Variants in CLIP1 observed in about 807,000 individuals in gnomAD.
CLIP1 encodes the protein CAP-Gly domain containing linker protein 1, also known as CAP-Gly domain-containing linker protein 1.
Under a neutral mutation model 161.6 loss-of-function variants are expected in CLIP1, and 66 were observed. The ratio of observed to expected loss-of-function variants is 0.41; its 90% CI spans 0.33 to 0.50. The LOEUF is 0.50. CLIP1 is among the 20% of genes least tolerant of loss of function. CLIP1 has a pLI of 0.27. For synonymous variants in CLIP1, 598 were observed against 626.2 expected, an observed-to-expected ratio of 0.96 and a Z score of 0.67; for missense variants, 1,376 against 1,702.0, an observed-to-expected ratio of 0.81 and a Z score of 3.37.
chr12:122,389,947 T>C (rs1039196276), intron 1 of CLIP1, among the ~76,000 whole-genome samples: 1 of 148,994 alleles, frequency 6.7e-6, no homozygotes, highest in Admixed American at 6.8e-5. Flanking sequence ...TGACAGTGAG[T>C]TCTTGCAGGG....
At position 122,278,215 on chromosome 12, in the gene CLIP1, G is replaced by GTAA; in HGVS notation, c.3917-13_3917-12insTTA. 9.2e-6 allele frequency: 11 copies of GTAA among 1,196,398 alleles called. No individual in the cohort carries two copies. The highest frequency in any genetic ancestry group is 9.8e-6 in the Non-Finnish European group (9 of 915,004). 74.1% of individuals were successfully genotyped at this position (1,196,398 alleles called of 1,614,324 possible). ...AGTGTCTGTATTACCTTATATTTGA[G>GTAA]GAAAAAAAAAAAAAAACAAGTGGAG... On this transcript the variant is annotated splice_polypyrimidine_tract_variant and intron_variant, in intron 23 of 25. Coordinates refer to ENST00000620786, the MANE Select transcript of CLIP1 (RefSeq NM_001247997.2).
At chr12:122,354,647 G>A in intron 6 of CLIP1, 91 bp from the exon 7 acceptor site, 1 of 950,744 alleles carries the variant, frequency 1.1e-6, no homozygotes, top group Non-Finnish European at 1.7e-6. Flanking sequence ...GGTCACCATG[G>A]TGGGTGGGCG....
chr12:122,353,908 G>A (rs960469817), intron 7 of CLIP1, among the ~76,000 whole-genome samples: 2 of 151,904 alleles, frequency 1.3e-5, no homozygotes, highest in Non-Finnish European at 2.9e-5. Context: ...TGGGATTACA[G>A]GCGTGAGTCA....
At chr12:122,278,771 C>A (rs1376382343) in intron 23 of CLIP1, 21 bp downstream of exon 23, 5 of 1,569,134 alleles carry the variant, frequency 3.2e-6, no homozygotes, top group Non-Finnish European at 4.3e-6. Context: ...TACAGAGAAG[C>A]ACTGGGCAGG....
chr12:122,293,744 C>CTG (rs1466439432), intron 20 of CLIP1, among the ~76,000 whole-genome samples: 1 of 151,208 alleles, frequency 6.6e-6, no homozygotes, highest in Admixed American at 6.6e-5. Context: ...TCCCAAAGTG[C>CTG]TGGGATTACA....
At chr12:122,367,098 G>A (rs1351493403) in intron 3 of CLIP1, among the ~76,000 whole-genome samples, 1 of 152,178 alleles carries the variant, frequency 6.6e-6, no homozygotes, top group African/African-American at 2.4e-5. Context: ...ATTCTTTGGG[G>A]ATGAGTCGAA....
chr12:122,276,089 C>T (rs954453519), intron 24 of CLIP1, among the ~76,000 whole-genome samples: 4 of 152,112 alleles, frequency 2.6e-5, no homozygotes, highest in Admixed American at 6.6e-5. Flanking sequence ...CTGAAAGATC[C>T]CACTTTACAA....
intron 1 of CLIP1, among the ~76,000 whole-genome samples, chr12:122,405,797 G>A (rs1956307974): frequency 6.6e-6 from 1 of 151,596 alleles, no homozygotes; most frequent in South Asian, 2.1e-4. Flanking sequence ...AGCCGGGTGT[G>A]GTTGCTCACG....
intron 20 of CLIP1, among the ~76,000 whole-genome samples, chr12:122,293,602 C>T (rs1440455674): frequency 6.6e-6 from 1 of 151,634 alleles, no homozygotes; most frequent in Non-Finnish European, 1.5e-5. Context: ...CCTCAGCCTC[C>T]TGAGTAGCTG....
rs1953287096 is a variant in CLIP1 at position 122,355,401 on chromosome 12, G to A, written c.1006-89C>T. 15 of 1,196,696 alleles carry A rather than the reference G, an allele frequency of 1.3e-5. No individual in the cohort carries two copies. In the South Asian group the frequency reaches 1.7e-4, roughly 13 times the overall value. The allele number at this position is 1,196,696 out of a possible 1,614,324, so 74.1% of individuals were successfully genotyped here. A position where few individuals can be genotyped will look rare whatever the true frequency, so the allele number is the denominator to read the frequency against. On this transcript the variant is annotated intron_variant, in intron 5 of 25. Transcript: ENST00000620786. This position sits in a 1 kb window ranked among gnomAD's most constrained non-coding sequence, Gnocchi z 4.1. The stretch of plus-strand genomic sequence containing the variant: ...TGCATGCATGGCGGGCATCTGCTCG[G>A]CAAAGCAAGGGCGCTGCTCCAGCTG...
intron 1 of CLIP1, among the ~76,000 whole-genome samples, chr12:122,420,355 AAAAG>A (rs904831046): frequency 6.6e-5 from 10 of 152,146 alleles, no homozygotes; most frequent in Non-Finnish European, 1.3e-4. Context: ...CAAAAAAAAA[AAAAG>A]AGATAAGGAT....
rs750227978 is a variant in CLIP1, at chr12:122,328,446, A to C, written c.2868-20T>G. On this transcript the variant is annotated intron_variant, in intron 15 of 25. Transcript: ENST00000620786. ...ACATCTCTAGAAAAAGTTTCAATAT[A>C]AGGTGTCAGATTTTTCATAAGAATG... 6 of 1,475,582 alleles carry C rather than the reference A, an allele frequency of 4.1e-6. No individual in the cohort carries two copies. The South Asian group carries it at 8.4e-5, about 21-fold the overall frequency. 91.4% of individuals were successfully genotyped at this position (1,475,582 alleles called of 1,614,324 possible).
At chr12:122,391,522 G>C (rs775659102) in intron 1 of CLIP1, among the ~76,000 whole-genome samples, 15 of 152,196 alleles carry the variant, frequency 9.9e-5, no homozygotes, top group Non-Finnish European at 1.8e-4. Context: ...GGAGGCGGAG[G>C]GTGCAGTGAG....
At chr12:122,352,980 C>A (rs1469339368) in intron 7 of CLIP1, among the ~76,000 whole-genome samples, 194 bp from the exon 8 acceptor site, 2 of 149,834 alleles carry the variant, frequency 1.3e-5, no homozygotes, top group Non-Finnish European at 3.0e-5. Flanking sequence ...ATAGTGAGAC[C>A]CAGTCCTTAT....
intron 3 of CLIP1, among the ~76,000 whole-genome samples, chr12:122,376,332 C>A (rs1223226821): frequency 6.6e-6 from 1 of 152,126 alleles, no homozygotes; most frequent in African/African-American, 2.4e-5. Context: ...GGATTACAGG[C>A]GTAAGCCACC....
chr12:122,390,253 CATATAT>C (rs1380441642), intron 1 of CLIP1, among the ~76,000 whole-genome samples: 4 of 92,744 alleles, frequency 4.3e-5, no homozygotes, highest in South Asian at 4.2e-4. Flanking sequence ...TATATATACA[CATATAT>C]ACACACACAT....
intron 1 of CLIP1, among the ~76,000 whole-genome samples, chr12:122,398,839 A>C (rs1424500725): frequency 6.6e-6 from 1 of 151,564 alleles, no homozygotes; most frequent in Non-Finnish European, 1.5e-5. Flanking sequence ...GCAAGACTTT[A>C]TCTCTAAAAT....
At chr12:122,352,345 C>A (rs1203933463) in intron 8 of CLIP1, among the ~76,000 whole-genome samples, 2 of 152,134 alleles carry the variant, frequency 1.3e-5, no homozygotes, top group Non-Finnish European at 1.5e-5. Context: ...GCGTGAACCA[C>A]CGCACCCGGC....
chr12:122,384,488 G>A (rs973481140), intron 1 of CLIP1, among the ~76,000 whole-genome samples: 2 of 152,130 alleles, frequency 1.3e-5, no homozygotes, highest in East Asian at 1.9e-4. Flanking sequence ...AAGGCCGGGC[G>A]CAGTGGCTCA....
Sources: allele counts gnomAD v4.1 joint callset (sites outside exome capture counted in the v4.1 genomes callset), GRCh38; gene constraint gnomAD v4.1.1; non-coding constraint Gnocchi (gnomAD v3.1); transcripts MANE v1.5; gene names NCBI Gene and HGNC (gene_info 2026-07-23, HGNC 2026-07-21).